Variants in PLPP4 observed in about 807,000 individuals in gnomAD.
The protein encoded by PLPP4 is phospholipid phosphatase 4.
In PLPP4, 20 loss-of-function variants were observed where a neutral mutation model predicts 32.2. The ratio of observed to expected loss-of-function variants is 0.62; its 90% CI spans 0.44 to 0.90. The LOEUF (loss-of-function observed/expected upper bound fraction) is 0.90, where lower values mean the gene tolerates loss of function less well. Among genes scored for constraint, PLPP4 ranks in the 40% least tolerant of loss-of-function variants. The pLI is 0.00. For synonymous variants in PLPP4, 127 were observed against 133.0 expected, an observed-to-expected ratio of 0.95 and a Z score of 0.31; for missense variants, 257 against 353.1, an observed-to-expected ratio of 0.73 and a Z score of 2.18.
intron 5 of PLPP4, among the ~76,000 whole-genome samples, chr10:120,524,895 T>C (rs1200102228): frequency 6.6e-6 from 1 of 152,168 alleles, no homozygotes; most frequent in Non-Finnish European, 1.5e-5. Context: ...CGATTTTTTA[T>C]TGAGTACTGA....
intron 3 of PLPP4, among the ~76,000 whole-genome samples, chr10:120,516,062 T>C (rs1239646196): frequency 6.6e-6 from 1 of 152,198 alleles, no homozygotes; most frequent in African/African-American, 2.4e-5. Flanking sequence ...GGATGTTCTG[T>C]TTGCCTAAAT....
chr10:120,529,348 G>T (rs766750667), intron 5 of PLPP4, among the ~76,000 whole-genome samples: 3 of 152,144 alleles, frequency 2.0e-5, no homozygotes, highest in Non-Finnish European at 4.4e-5. Context: ...GAGGAAGCCT[G>T]TTCTAGGGTA....
At chr10:120,476,185 G>A (rs931634444) in intron 1 of PLPP4, among the ~76,000 whole-genome samples, 2 of 152,192 alleles carry the variant, frequency 1.3e-5, no homozygotes, top group Admixed American at 6.5e-5. Context: ...GGACATCAGG[G>A]ACACGTTTTG....
intron 1 of PLPP4, among the ~76,000 whole-genome samples, chr10:120,491,460 C>A (rs529800643): frequency 2.2e-4 from 33 of 151,904 alleles, no homozygotes; most frequent in African/African-American, 8.0e-4. Context: ...CTTTCCAGTT[C>A]TCTTTCTTTC....
intron 6 of PLPP4, among the ~76,000 whole-genome samples, chr10:120,577,197 A>G (rs1433508893): frequency 2.6e-5 from 4 of 152,136 alleles, no homozygotes; most frequent in Non-Finnish European, 5.9e-5. Flanking sequence ...TTTTTTTGGA[A>G]CATGATTTAT....
intron 5 of PLPP4, among the ~76,000 whole-genome samples, chr10:120,570,982 C>T (rs948869726): frequency 6.6e-6 from 1 of 152,044 alleles, no homozygotes. Context: ...TAAATATTAA[C>T]AATCAGCTGC....
At chr10:120,509,828 A>G (rs1845654531) in intron 2 of PLPP4, among the ~76,000 whole-genome samples, 1 of 152,224 alleles carries the variant, frequency 6.6e-6, no homozygotes. Flanking sequence ...TGACTTATCT[A>G]TGACCTGGAA....
intron 3 of PLPP4, among the ~76,000 whole-genome samples, chr10:120,517,648 A>T (rs930833513): frequency 6.6e-6 from 1 of 152,086 alleles, no homozygotes; most frequent in Admixed American, 6.5e-5. Flanking sequence ...CACTTAGGTG[A>T]TTTGTTTCCC....
At position 120,589,670 on chromosome 10, in the gene PLPP4, A is replaced by C; in HGVS notation, c.*168A>C. 1.7e-6 allele frequency: 1 copy of C among 596,268 alleles called. No homozygotes were observed. Among genetic ancestry groups the C allele is most frequent in the South Asian group, 2.4e-5 (1 of 42,478 alleles). The allele number at this position is 596,268 out of a possible 1,614,324, so 36.9% of individuals were successfully genotyped here. ...GGTGTTCCTGCTACTTTAAATGTCT[A>C]CTTCCAACATCCTTGAATTTGCAAG... On this transcript the variant is annotated 3_prime_UTR_variant, in exon 7 of 7. Coordinates refer to ENST00000398250, the MANE Select transcript of PLPP4 (RefSeq NM_001030059.3).
intron 5 of PLPP4, among the ~76,000 whole-genome samples, chr10:120,545,276 G>A (rs559687702): frequency 2.6e-5 from 4 of 152,300 alleles, no homozygotes; most frequent in South Asian, 2.1e-4. Context: ...CTTTATTTAC[G>A]AAAGCAATTT....
intron 5 of PLPP4, among the ~76,000 whole-genome samples, chr10:120,524,407 G>A (rs1223185031): frequency 6.6e-6 from 1 of 152,110 alleles, no homozygotes; most frequent in East Asian, 1.9e-4. Flanking sequence ...GACTGGGTAG[G>A]GGAGTTCTGG....
chr10:120,530,529 A>T (rs927660783), intron 5 of PLPP4, among the ~76,000 whole-genome samples: 3 of 152,180 alleles, frequency 2.0e-5, no homozygotes, highest in Non-Finnish European at 4.4e-5. Flanking sequence ...TATAATGAGT[A>T]TCACACACGT....
intron 4 of PLPP4, 102 bp from the exon 5 acceptor site, chr10:120,520,869 C>T: frequency 7.0e-7 from 1 of 1,420,006 alleles, no homozygotes. Flanking sequence ...GCCAAGGGGG[C>T]TGAGGAAAGA....
At chr10:120,578,581 T>C (rs1464889133) in intron 6 of PLPP4, among the ~76,000 whole-genome samples, 2 of 152,232 alleles carry the variant, frequency 1.3e-5, no homozygotes, top group Admixed American at 1.3e-4. Flanking sequence ...AAATAGTCTA[T>C]AATCTCTAAT....
chr10:120,574,162 ACACACACTCTCT>A (rs1462788980), intron 5 of PLPP4, among the ~76,000 whole-genome samples: 224 of 103,894 alleles, frequency 2.2e-3, no homozygotes, highest in Non-Finnish European at 3.2e-3. Flanking sequence ...ACACACACAC[ACACACACTCTCT>A]CTCTCTCTCT....
intron 1 of PLPP4, among the ~76,000 whole-genome samples, chr10:120,468,225 G>A (rs1848393118): frequency 1.5e-5 from 1 of 65,170 alleles, no homozygotes; most frequent in African/African-American, 3.3e-5. Flanking sequence ...ATTATAGAAT[G>A]TAAATATGTG....
intron 5 of PLPP4, among the ~76,000 whole-genome samples, chr10:120,533,342 T>G (rs753091175): frequency 6.6e-5 from 10 of 152,202 alleles, no homozygotes; most frequent in Non-Finnish European, 4.4e-5. Flanking sequence ...GCAAATCCTT[T>G]GCCCATTTTT....
chr10:120,464,204 C>T (rs568026821), intron 1 of PLPP4, among the ~76,000 whole-genome samples: 9 of 152,270 alleles, frequency 5.9e-5, no homozygotes, highest in East Asian at 5.8e-4. Flanking sequence ...GAATGTCCGT[C>T]ATATTCATGA....
At chr10:120,535,566 T>G (rs1846978263) in intron 5 of PLPP4, among the ~76,000 whole-genome samples, 2 of 152,264 alleles carry the variant, frequency 1.3e-5, no homozygotes, top group South Asian at 4.1e-4. Context: ...CAACTATGAT[T>G]GTAGATTTGT....
Sources: allele counts gnomAD v4.1 joint callset (sites outside exome capture counted in the v4.1 genomes callset), GRCh38; gene constraint gnomAD v4.1.1; transcripts MANE v1.5; gene names NCBI Gene and HGNC (gene_info 2026-07-23, HGNC 2026-07-21).